DNER: variants seen among roughly 807,000 people sequenced by gnomAD.
DNER encodes delta and Notch-like epidermal growth factor-related receptor.
Under a neutral mutation model 78.2 loss-of-function variants are expected in DNER, and 33 were observed. The ratio of observed to expected loss-of-function variants is 0.42; its 90% CI spans 0.32 to 0.56. The LOEUF (loss-of-function observed/expected upper bound fraction) is 0.56, where lower values mean the gene tolerates loss of function less well. DNER is among the 20% of genes least tolerant of loss of function. DNER has a pLI of 0.11. For synonymous variants in DNER, 417 were observed against 384.8 expected (o/e 1.08, Z -0.98); for missense variants, 918 against 975.3 (o/e 0.94, Z 0.78).
intron 4 of DNER, among the ~76,000 whole-genome samples, chr2:229,548,164 G>C (rs1696660722): frequency 6.6e-6 from 1 of 152,164 alleles, no homozygotes; most frequent in South Asian, 2.1e-4. Context: ...GGAAAAGAGA[G>C]AGAAAAGAAT....
At chr2:229,422,938 A>T (rs1342884902) in intron 8 of DNER, among the ~76,000 whole-genome samples, 1 of 152,164 alleles carries the variant, frequency 6.6e-6, no homozygotes, top group East Asian at 1.9e-4. Context: ...AAGGATATCA[A>T]GGAAGGTGGG....
intron 7 of DNER, among the ~76,000 whole-genome samples, chr2:229,448,032 A>T (rs1694375427): frequency 6.6e-6 from 1 of 152,128 alleles, no homozygotes; most frequent in African/African-American, 2.4e-5. Context: ...AACAATGAAA[A>T]AGTCTCTTTT....
intron 1 of DNER, among the ~76,000 whole-genome samples, chr2:229,603,359 A>C (rs193066903): frequency 3.9e-5 from 6 of 152,344 alleles, no homozygotes; most frequent in Admixed American, 6.5e-5. Flanking sequence ...ACATGTATGC[A>C]TATGTAACAA....
chr2:229,417,810 A>C (rs893580495), intron 9 of DNER, among the ~76,000 whole-genome samples: 36 of 152,146 alleles, frequency 2.4e-4, no homozygotes, highest in African/African-American at 8.7e-4. Context: ...TCTCTAACCT[A>C]TGTCTGACAG....
chr2:229,524,844 C>T (rs1010283524), intron 5 of DNER, among the ~76,000 whole-genome samples: 13 of 152,296 alleles, frequency 8.5e-5, no homozygotes, highest in Admixed American at 7.2e-4. Flanking sequence ...CTGGGCCAGG[C>T]CGAGGTCAAT....
At chr2:229,529,172 A>T (rs1696259115) in intron 5 of DNER, among the ~76,000 whole-genome samples, 1 of 152,130 alleles carries the variant, frequency 6.6e-6, no homozygotes, top group Non-Finnish European at 1.5e-5. Context: ...GCTGCTTTTG[A>T]TTCTAGATAC....
intron 6 of DNER, among the ~76,000 whole-genome samples, chr2:229,488,468 C>T (rs1238223939): frequency 2.6e-5 from 4 of 152,148 alleles, no homozygotes; most frequent in Admixed American, 2.6e-4. Flanking sequence ...TATGAGTGCA[C>T]ATGTGTGTTG....
At chr2:229,667,338 G>T (rs1699110086) in intron 1 of DNER, among the ~76,000 whole-genome samples, 1 of 152,148 alleles carries the variant, frequency 6.6e-6, no homozygotes, top group Non-Finnish European at 1.5e-5. Flanking sequence ...ATAGCATTTT[G>T]ATTTACCACT....
chr2:229,672,735 A>G lies in DNER; in HGVS notation c.276+41413T>C, dbSNP rs1258022688. Among the ~76,000 whole-genome samples the G allele has an allele frequency of 2.6e-5, 4 of 152,136 alleles. No homozygotes were observed. The East Asian group carries it at 7.7e-4, about 29-fold the overall frequency. On this transcript the variant is annotated intron_variant, in intron 1 of 12. Transcript: ENST00000341772. ...CTCTTCCAACCTAGCCTCTGAAGTCATGTCACAGCACTGTCACCACATTCT... is the reference window on the plus strand; with the variant it reads ...CTCTTCCAACCTAGCCTCTGAAGTCGTGTCACAGCACTGTCACCACATTCT...
At chr2:229,511,464 G>A (rs977169322) in intron 6 of DNER, among the ~76,000 whole-genome samples, 1 of 152,114 alleles carries the variant, frequency 6.6e-6, no homozygotes, top group Non-Finnish European at 1.5e-5. Context: ...ACTGTCCACT[G>A]CACTCTCCCT....
chr2:229,452,890 A>C (rs1243287302), intron 7 of DNER, among the ~76,000 whole-genome samples: 2 of 152,198 alleles, frequency 1.3e-5, no homozygotes, highest in Admixed American at 1.3e-4. Context: ...AGCCTCCCAA[A>C]GTGCTGGGAT....
chr2:229,521,455 T>C (rs775397152), intron 5 of DNER, among the ~76,000 whole-genome samples: 1 of 152,198 alleles, frequency 6.6e-6, no homozygotes, highest in African/African-American at 2.4e-5. Context: ...ACCCAGCTCC[T>C]AGGCTGTGGG....
At chr2:229,404,495 C>T (rs1232628220) in intron 10 of DNER, among the ~76,000 whole-genome samples, 1 of 152,176 alleles carries the variant, frequency 6.6e-6, no homozygotes, top group African/African-American at 2.4e-5. Flanking sequence ...CCTGGCCTCT[C>T]CCTTGACATG....
At chr2:229,668,909 A>T (rs2396696) in intron 1 of DNER, among the ~76,000 whole-genome samples, 30,770 of 151,956 alleles carry the variant, frequency 0.2, 3,982 homozygotes, top group South Asian at 0.29. Flanking sequence ...TACTATAAAG[A>T]CATATGCACA....
At chr2:229,616,527 T>A (rs1214180865) in intron 1 of DNER, among the ~76,000 whole-genome samples, 1 of 152,176 alleles carries the variant, frequency 6.6e-6, no homozygotes, top group Non-Finnish European at 1.5e-5. Context: ...TCCCTGAGAA[T>A]ACACCCACAG....
chr2:229,377,113 C>G (rs1692621964), intron 11 of DNER, among the ~76,000 whole-genome samples: 1 of 152,136 alleles, frequency 6.6e-6, no homozygotes, highest in Admixed American at 6.5e-5. Flanking sequence ...AGATTACAAG[C>G]TCCCAAAGGC....
chr2:229,416,197 T>C (rs1441389870), intron 9 of DNER, among the ~76,000 whole-genome samples: 12 of 152,370 alleles, frequency 7.9e-5, no homozygotes, highest in Non-Finnish European at 1.2e-4. Context: ...CTTCCTCATA[T>C]TTTGATTCTC....
intron 10 of DNER, among the ~76,000 whole-genome samples, chr2:229,407,002 TC>T (rs1559343232): frequency 6.6e-6 from 1 of 152,240 alleles, no homozygotes. Flanking sequence ...GTAATGATAG[TC>T]TTTGTAAGTC....
intron 1 of DNER, among the ~76,000 whole-genome samples, chr2:229,603,786 G>A (rs529861216): frequency 7.0e-6 from 1 of 143,228 alleles, no homozygotes; most frequent in African/African-American, 3.0e-5. Flanking sequence ...CAATTTTTGT[G>A]CATATTTTGT....
Sources: gnomAD v4.1 joint callset for allele counts (sites outside exome capture counted in the v4.1 genomes callset) on GRCh38, gnomAD v4.1.1 for gene constraint, MANE v1.5 for transcripts, NCBI Gene and HGNC (gene_info 2026-07-23, HGNC 2026-07-21) for gene names.